The following ARID3A variants were observed in gnomAD, a reference collection of about 807,000 sequenced individuals.
ARID3A encodes AT-rich interactive domain-containing protein 3A.
A neutral mutation model predicts 52.7 loss-of-function variants in ARID3A; 11 were observed. That is an observed-to-expected ratio of 0.21 (90% confidence interval 0.13 to 0.35). The LOEUF is 0.35. Ranked by LOEUF, ARID3A falls within the 10% of genes least tolerant of loss-of-function variation. ARID3A has a pLI of 1.00. For synonymous variants in ARID3A, 404 were observed against 359.4 expected (o/e 1.12, Z -1.40); for missense variants, 721 against 838.5 (o/e 0.86, Z 1.73).
intron 3 of ARID3A, among the ~76,000 whole-genome samples, chr19:945,584 G>A (rs1215294294): frequency 1.3e-5 from 2 of 152,198 alleles, no homozygotes; most frequent in African/African-American, 4.8e-5. Flanking sequence ...CTGGGGTCTG[G>A]CAGAAGCTCC....
intron 3 of ARID3A, among the ~76,000 whole-genome samples, chr19:940,028 A>C (rs940754021): frequency 6.6e-6 from 1 of 151,986 alleles, no homozygotes; most frequent in Non-Finnish European, 1.5e-5. Context: ...GCTTCCCCAC[A>C]TCCCTCGAGG....
At position 938,099 on chromosome 19, in the gene ARID3A, G is replaced by A. The variant is rs941598728; in HGVS notation, c.693+5357G>A. Among the ~76,000 whole-genome samples the A allele has an allele frequency of 4.0e-5, 6 of 151,620 alleles. No individual in the cohort carries two copies. Among genetic ancestry groups the A allele is most frequent in the Admixed American group, 6.6e-5 (1 of 15,210 alleles). The stretch of plus-strand genomic sequence containing the variant: ...CCTCAGGTGATCCTCACACCTCAGC[G>A]TCCCAGAGTGCTGGGATCACAGACG... On this transcript the variant is annotated intron_variant, in intron 3 of 8. Coordinates refer to ENST00000263620, the MANE Select transcript of ARID3A (RefSeq NM_005224.3). This position sits in a 1 kb window ranked among gnomAD's most constrained non-coding sequence, Gnocchi z 4.0.
chr19:945,433 T>C (rs566561930), intron 3 of ARID3A, among the ~76,000 whole-genome samples: 1 of 151,498 alleles, frequency 6.6e-6, no homozygotes, highest in East Asian at 2.0e-4. Context: ...AGCGGGGAGG[T>C]GTCCAGGGCG....
At chr19:966,285 C>G (rs1377761088) in intron 6 of ARID3A, among the ~76,000 whole-genome samples, 2 of 151,536 alleles carry the variant, frequency 1.3e-5, no homozygotes, top group Admixed American at 1.3e-4. Context: ...CATGAAGAAA[C>G]CCCGTCTCTA....
chr19:932,775 C>T (rs1427308089), intron 3 of ARID3A, 33 bp downstream of exon 3: 5 of 1,545,560 alleles, frequency 3.2e-6, no homozygotes, highest in African/African-American at 2.8e-5. Context: ...GCGGCTGAGG[C>T]ACCTGCTCCT....
At chr19:965,701 AT>A (rs1412182730) in intron 6 of ARID3A, among the ~76,000 whole-genome samples, 4 of 151,918 alleles carry the variant, frequency 2.6e-5, no homozygotes, top group Non-Finnish European at 5.9e-5. Flanking sequence ...TCTAAAAAAA[AT>A]TTTTTTAGGC....
At position 966,635 on chromosome 19, in the gene ARID3A, C is replaced by T. The variant is rs1354051547; in HGVS notation, c.1262C>T (p.Pro421Leu). 6.2e-7 allele frequency: 1 copy of T among 1,602,846 alleles called. No individual in the cohort carries two copies. ...GRLPVSLAGH[P>L]VVAAQAAAVQ... The stretch of plus-strand genomic sequence containing the variant: ...CTGCCTGTGTCCCTGGCGGGCCACC[C>T]TGTGGTGGCAGCCCAGGCAGCAGCT... The change falls in exon 7 of 9, where the codon CCT becomes CTT. Residue 421 changes from proline (P) to leucine (L), a missense_variant. Physicochemically the swap from Pro to Leu is moderately conservative, Grantham distance 98. Around this residue, in one of 5 missense-constraint regions of ARID3A, gnomAD observed 297 missense variants for 343.2 expected, o/e 0.87. Transcript: ENST00000263620.
At chr19:939,630 C>T (rs1377738275) in intron 3 of ARID3A, among the ~76,000 whole-genome samples, 1 of 152,086 alleles carries the variant, frequency 6.6e-6, no homozygotes, top group Non-Finnish European at 1.5e-5. Flanking sequence ...GAGGTTCCTC[C>T]CGCCGCTGCC....
intron 2 of ARID3A, among the ~76,000 whole-genome samples, chr19:931,377 G>T (rs1186137739): frequency 1.3e-5 from 2 of 149,686 alleles, no homozygotes; most frequent in South Asian, 4.3e-4. Flanking sequence ...GCTTGAACCT[G>T]GGAGGCAGAG....
At position 960,517 on chromosome 19, in the gene ARID3A, C is replaced by CT. The variant is rs1468592870; in HGVS notation, c.766+354dup. Among the ~76,000 whole-genome samples the CT allele has an allele frequency of 6.6e-6, 1 of 152,080 alleles. No individual in the cohort carries two copies. The highest frequency in any genetic ancestry group is 2.4e-5 in the African/African-American group (1 of 41,416). ...GGTAATGGGGGAGTGGAACCAGCCT[C>CT]TGTGTTTAGGGAGTGGGGTCAGATT... On this transcript the variant is annotated intron_variant, in intron 4 of 8. Transcript: ENST00000263620. This position sits in a 1 kb window ranked among gnomAD's most constrained non-coding sequence, Gnocchi z 4.3.
chr19:955,642 T>G lies in ARID3A; in HGVS notation c.694-4450T>G, dbSNP rs142098733. 3.0e-3 allele frequency among the ~76,000 whole-genome samples: 457 copies of G among 152,250 alleles called. 2 individuals carry two copies. Among genetic ancestry groups the G allele is most frequent in the African/African-American group, 0.01 (426 of 41,536 alleles). On this transcript the variant is annotated intron_variant, in intron 3 of 8. Transcript: ENST00000263620. The stretch of plus-strand genomic sequence containing the variant: ...AGCTGCTGTGTTTTCTCACACACTC[T>G]ATTTGAGAGATGGGGAAACTGAGGC...
chr19:962,938 C>T (rs1416614584), intron 4 of ARID3A, among the ~76,000 whole-genome samples: 2 of 152,226 alleles, frequency 1.3e-5, no homozygotes, highest in South Asian at 2.1e-4. Context: ...CGGCTCCTCT[C>T]GCCCAGGCTG....
rs771842674 is a variant in ARID3A, at chr19:964,576, C to T, written c.950+145C>T. The T allele has an allele frequency of 8.2e-5, 102 of 1,250,618 alleles. No homozygotes were observed. Among genetic ancestry groups the T allele is most frequent in the Middle Eastern group, 2.8e-4 (1 of 3,626 alleles). The allele number at this position is 1,250,618 out of a possible 1,614,324, so 77.5% of individuals were successfully genotyped here. A position where few individuals can be genotyped will look rare whatever the true frequency, so the allele number is the denominator to read the frequency against. On this transcript the variant is annotated intron_variant, in intron 5 of 8. Coordinates refer to ENST00000263620, the MANE Select transcript of ARID3A (RefSeq NM_005224.3). This position sits in a 1 kb window ranked among gnomAD's most constrained non-coding sequence, Gnocchi z 5.7. ...GCAAAGGGCACAGGGCCACACCGTG[C>T]GTCCAGGGCCCGAGAGCGTCAAGTA...
rs912646184 is a variant in ARID3A, at chr19:938,753, G to A, written c.693+6011G>A. Among the ~76,000 whole-genome samples, 6 of 152,138 alleles carry A rather than the reference G, an allele frequency of 3.9e-5. No homozygotes were observed. Among genetic ancestry groups the A allele is most frequent in the African/African-American group, 1.4e-4 (6 of 41,424 alleles). On this transcript the variant is annotated intron_variant, in intron 3 of 8. Transcript: ENST00000263620. This position sits in a 1 kb window ranked among gnomAD's most constrained non-coding sequence, Gnocchi z 4.0. ...GGCTCAAGGCCAGACACACCTCGCT[G>A]GGCCCAGCCCCAGAGACCGCTGGGT...
chr19:958,811 T>A (rs1326592353), intron 3 of ARID3A, among the ~76,000 whole-genome samples: 3 of 151,484 alleles, frequency 2.0e-5, no homozygotes, highest in Non-Finnish European at 4.4e-5. Context: ...GAGAATGGAG[T>A]GAACCCGGGA....
At position 938,890 on chromosome 19, in the gene ARID3A, T is replaced by A. The variant is rs1024093289; in HGVS notation, c.693+6148T>A. Among the ~76,000 whole-genome samples, 6 of 151,834 alleles carry A rather than the reference T, an allele frequency of 4.0e-5. No individual in the cohort carries two copies. The highest frequency in any genetic ancestry group is 8.8e-5 in the Non-Finnish European group (6 of 68,002). On this transcript the variant is annotated intron_variant, in intron 3 of 8. Transcript: ENST00000263620. The surrounding 1 kb of genome is among the most constrained non-coding windows in gnomAD (Gnocchi z 4.0). Reference sequence around the variant, plus strand: ...GTCTTTTCAGCTCATTTGTTTTTTTTAATTGTGGAAAATACACATAGATAC... The same window carrying A: ...GTCTTTTCAGCTCATTTGTTTTTTTAAATTGTGGAAAATACACATAGATAC...
chr19:969,728 C>T (rs760398694), intron 8 of ARID3A, among the ~76,000 whole-genome samples: 1 of 150,002 alleles, frequency 6.7e-6, no homozygotes, highest in Non-Finnish European at 1.5e-5. Context: ...CCCTCTGTCA[C>T]CCAGGCTGGA....
intron 3 of ARID3A, among the ~76,000 whole-genome samples, chr19:934,272 GAC>G (rs2037394975): frequency 6.6e-6 from 1 of 152,114 alleles, no homozygotes; most frequent in Admixed American, 6.5e-5. Context: ...CCTGACCCTG[GAC>G]ACACGCCCCG....
intron 3 of ARID3A, among the ~76,000 whole-genome samples, chr19:955,337 C>T (rs1306849416): frequency 6.6e-6 from 1 of 152,210 alleles, no homozygotes; most frequent in Non-Finnish European, 1.5e-5. Context: ...TTGTTGCTGG[C>T]TGCCCACAGC....
Sources: allele counts gnomAD v4.1 joint callset (sites outside exome capture counted in the v4.1 genomes callset), GRCh38; gene constraint gnomAD v4.1.1; regional missense constraint gnomAD v4.1.1; non-coding constraint Gnocchi (gnomAD v3.1); transcripts MANE v1.5; gene names NCBI Gene and HGNC (gene_info 2026-07-23, HGNC 2026-07-21).